The following CNOT1 variants were observed in gnomAD, a reference collection of about 807,000 sequenced individuals.
CNOT1 encodes the protein CCR4-associated factor 1.
A neutral mutation model predicts 273.8 loss-of-function variants in CNOT1; 15 were observed. That is an observed-to-expected ratio of 0.05 (90% CI 0.04 to 0.08). The LOEUF is 0.08. Ranked by LOEUF, CNOT1 falls within the 10% of genes least tolerant of loss-of-function variation. The pLI is 1.00. For synonymous variants in CNOT1, 1,022 were observed against 1,005.5 expected (o/e 1.02, Z -0.31); for missense variants, 1,644 against 2,912.2 (o/e 0.56, Z 10.02).
chr16:58,586,554 G>C lies in CNOT1; in HGVS notation c.628C>G (p.Leu210Val). ...QEQIDAFLKT[L>V]RRDFPQERCP... ...ACAAAGACTCCCTTACCTCTGCGCA[G>C]CGTCTTAAGAAAAGCGTCTATCTGT... Residue 210 changes from leucine to valine, a missense_variant, in exon 7 of 49, where the codon CTG (leucine) becomes GTG (valine). Leu to Val is a conservative substitution (Grantham distance 32). Transcript: ENST00000317147. The C allele has an allele frequency of 6.2e-7, 1 of 1,610,596 alleles. No homozygotes were observed. The highest frequency in any genetic ancestry group is 8.5e-7 in the Non-Finnish European group (1 of 1,179,310).
chr16:58,529,758 T>C (rs1234455885), intron 43 of CNOT1, among the ~76,000 whole-genome samples: 1 of 146,830 alleles, frequency 6.8e-6, no homozygotes, highest in Non-Finnish European at 1.5e-5. Flanking sequence ...CAAGAATCAC[T>C]TGAACCTGGG....
chr16:58,616,480 C>T (rs893739690), intron 1 of CNOT1, among the ~76,000 whole-genome samples: 1 of 152,094 alleles, frequency 6.6e-6, no homozygotes, highest in Non-Finnish European at 1.5e-5. Flanking sequence ...TGGTCTCAAA[C>T]TCCTGAGCTC....
chr16:58,605,757 C>CA (rs1286472070), intron 1 of CNOT1, among the ~76,000 whole-genome samples: 5 of 152,178 alleles, frequency 3.3e-5, no homozygotes, highest in African/African-American at 1.2e-4. Flanking sequence ...CTCCCTGACT[C>CA]AGATGATCCT....
At chr16:58,536,911 A>T in intron 39 of CNOT1, 78 bp downstream of exon 39, 1 of 1,558,630 alleles carries the variant, frequency 6.4e-7, no homozygotes, top group Non-Finnish European at 8.7e-7. Context: ...ACATGTACGC[A>T]ATACTGAGCT....
chr16:58,543,252 A>C, intron 31 of CNOT1: 9 of 1,542,700 alleles, frequency 5.8e-6, no homozygotes, highest in Non-Finnish European at 7.9e-6. Flanking sequence ...CATCACTTTA[A>C]GTCATTTTGT....
intron 2 of CNOT1, among the ~76,000 whole-genome samples, chr16:58,594,941 C>T (rs10163390): frequency 0.05 from 7,511 of 151,622 alleles, 252 homozygotes; most frequent in Middle Eastern, 0.089. Context: ...ATGGTGAAAC[C>T]GTCTCTACTA....
At chr16:58,601,347 T>G (rs996621814) in intron 1 of CNOT1, among the ~76,000 whole-genome samples, 3 of 152,142 alleles carry the variant, frequency 2.0e-5, no homozygotes, top group African/African-American at 7.2e-5. Flanking sequence ...TCCGCCCGCC[T>G]CGGCCTCCCA....
At chr16:58,606,067 C>G (rs965369399) in intron 1 of CNOT1, among the ~76,000 whole-genome samples, 2 of 152,006 alleles carry the variant, frequency 1.3e-5, no homozygotes, top group African/African-American at 4.8e-5. Flanking sequence ...CAACTGTTAC[C>G]TGAACAATGA....
At chr16:58,544,326 T>C (rs779844718) in intron 30 of CNOT1, among the ~76,000 whole-genome samples, 1 of 152,198 alleles carries the variant, frequency 6.6e-6, no homozygotes, top group Non-Finnish European at 1.5e-5. Flanking sequence ...TTCATCAGAA[T>C]AGTGAGCATT....
chr16:58,540,929 G>A (rs1422212460), intron 34 of CNOT1, among the ~76,000 whole-genome samples: 1 of 152,110 alleles, frequency 6.6e-6, no homozygotes, highest in Admixed American at 6.5e-5. Context: ...GGGAAGGCTG[G>A]GCACAATGGC....
chr16:58,596,971 T>TCAAGGAC (rs1455150413), intron 2 of CNOT1, among the ~76,000 whole-genome samples: 1 of 145,654 alleles, frequency 6.9e-6, no homozygotes, highest in African/African-American at 2.6e-5. Flanking sequence ...GTCCTGACAG[T>TCAAGGAC]CAAGGACCAT....
intron 17 of CNOT1, 118 bp downstream of exon 17, chr16:58,560,094 G>A (rs2040779798): frequency 2.0e-6 from 3 of 1,528,396 alleles, no homozygotes; most frequent in Non-Finnish European, 1.8e-6. Flanking sequence ...ATAAGTGGAT[G>A]CTAGACATGC....
Position 58,534,170 on chromosome 16 carries a change from T to A in CNOT1, c.5872A>T (p.Thr1958Ser). ...KHSGEATNTVTKINLLNKVLG... is the reference protein window; with the variant it reads ...KHSGEATNTVSKINLLNKVLG... The stretch of plus-strand genomic sequence containing the variant: ...ACCTTGTTCAGCAGATTAATCTTTG[T>A]GACAGTGTTGGTGGCCTCCCCTGAG... The change falls in exon 40 of 49, where the codon ACA becomes TCA. Residue 1958 changes from threonine (T) to serine (S), a missense_variant. By Grantham distance (58) the Thr-to-Ser change is moderately conservative (BLOSUM62 1). Around this residue, in one of 13 missense-constraint regions of CNOT1, gnomAD observed 133 missense variants for 328.2 expected, o/e 0.41. Coordinates refer to ENST00000317147, the MANE Select transcript of CNOT1 (RefSeq NM_016284.5). 1 of 1,614,206 alleles carries A rather than the reference T, an allele frequency of 6.2e-7. No individual in the cohort carries two copies. The highest frequency in any genetic ancestry group is 8.5e-7 in the Non-Finnish European group (1 of 1,180,034).
chr16:58,553,527 G>C (rs1444267130), intron 22 of CNOT1, among the ~76,000 whole-genome samples: 2 of 150,244 alleles, frequency 1.3e-5, no homozygotes, highest in Non-Finnish European at 3.0e-5. Flanking sequence ...CTGCATTACA[G>C]GTTAAAAGAA....
intron 34 of CNOT1, among the ~76,000 whole-genome samples, chr16:58,540,952 T>C (rs1348789899): frequency 2.0e-5 from 3 of 152,206 alleles, no homozygotes; most frequent in African/African-American, 7.2e-5. Flanking sequence ...AGGCCTGTAA[T>C]CCCAGCACTT....
At chr16:58,585,826 CA>C (rs1419904292) in intron 7 of CNOT1, among the ~76,000 whole-genome samples, 1 of 152,082 alleles carries the variant, frequency 6.6e-6, no homozygotes, top group Non-Finnish European at 1.5e-5. Flanking sequence ...AAGAAAGCAT[CA>C]AAAACAAACA....
At chr16:58,590,397 T>C (rs1458303732) in intron 2 of CNOT1, among the ~76,000 whole-genome samples, 1 of 152,152 alleles carries the variant, frequency 6.6e-6, no homozygotes, top group African/African-American at 2.4e-5. Context: ...TCCCTTCTCT[T>C]CATTCAGAAA....
intron 29 of CNOT1, 122 bp downstream of exon 29, chr16:58,546,199 G>A (rs2040252609): frequency 6.0e-6 from 5 of 834,768 alleles, no homozygotes; most frequent in Non-Finnish European, 5.7e-6. Context: ...TCACCAAAAC[G>A]TATACAAAGT....
In CNOT1 at chr16:58,526,817, CAAAAA is replaced by C. The variant is rs58419483; in HGVS notation, c.6454-684_6454-680del. Among the ~76,000 whole-genome samples the C allele has an allele frequency of 6.2e-4, 55 of 88,100 alleles. 1 individual carries two copies. The highest frequency in any genetic ancestry group is 3.7e-3 in the South Asian group (9 of 2,416). The allele number at this position is 88,100 out of a possible 152,430, so 57.8% of individuals were successfully genotyped here. ...GGGCAACAAGAACGAAACTCCGTCT[CAAAAA>C]AAAAAAAAAAAAAAAAAATGCATGT... On this transcript the variant is annotated intron_variant, in intron 44 of 48. Transcript: ENST00000317147.
Sources: allele counts gnomAD v4.1 joint callset (sites outside exome capture counted in the v4.1 genomes callset), GRCh38; gene constraint gnomAD v4.1.1; regional missense constraint gnomAD v4.1.1; transcripts MANE v1.5; gene names NCBI Gene and HGNC (gene_info 2026-07-23, HGNC 2026-07-21).